The following ESR1 variants were observed in gnomAD, a reference collection of about 807,000 sequenced individuals.
ESR1 encodes the protein estrogen receptor.
In ESR1, 12 loss-of-function variants were observed where a neutral mutation model predicts 52.7. That is an observed-to-expected ratio of 0.23 (90% confidence interval 0.15 to 0.37). ESR1 has a LOEUF of 0.37. ESR1 is among the 10% of genes least tolerant of loss of function. The probability of loss-of-function intolerance (pLI) is 1.00; values close to 1 mark genes in which losing one functional copy is unlikely to be tolerated. For synonymous variants in ESR1, 305 were observed against 316.8 expected (o/e 0.96, Z 0.39); for missense variants, 584 against 779.7 (o/e 0.75, Z 2.99).
chr6:152,047,910 G>C (rs1248726890), intron 5 of ESR1, among the ~76,000 whole-genome samples: 1 of 150,700 alleles, frequency 6.6e-6, no homozygotes, highest in Admixed American at 6.6e-5. Flanking sequence ...GGGGTCACAG[G>C]GTTCCAGGAT....
intron 1 of ESR1, among the ~76,000 whole-genome samples, chr6:151,684,474 G>T (rs1282752954): frequency 6.6e-6 from 1 of 152,136 alleles, no homozygotes; most frequent in East Asian, 1.9e-4. Flanking sequence ...AATGGTAGAG[G>T]CTGTCGGCAA....
intron 6 of ESR1, among the ~76,000 whole-genome samples, chr6:152,115,923 C>G (rs2051205034): frequency 6.6e-6 from 1 of 152,204 alleles, no homozygotes. Flanking sequence ...CAAGTAACTA[C>G]TGATCCCCAG....
chr6:151,782,882 C>T (rs1336649182), intron 2 of ESR1, among the ~76,000 whole-genome samples: 1 of 152,172 alleles, frequency 6.6e-6, no homozygotes, highest in Admixed American at 6.5e-5. Flanking sequence ...CACATCTGCT[C>T]ACTAAAATTG....
intron 2 of ESR1, among the ~76,000 whole-genome samples, chr6:151,707,904 CAGAT>C (rs1780305352): frequency 1.3e-5 from 2 of 151,940 alleles, no homozygotes. Flanking sequence ...ACTAATTTGA[CAGAT>C]AGAATTTTAT....
intron 4 of ESR1, among the ~76,000 whole-genome samples, chr6:151,971,240 T>C (rs9340920): frequency 0.049 from 7,414 of 152,230 alleles, 472 homozygotes; most frequent in African/African-American, 0.14. Context: ...GATGTTTGGT[T>C]ACATGAATAA....
chr6:152,109,322 A>G (rs1334851001), intron 6 of ESR1, among the ~76,000 whole-genome samples: 3 of 152,334 alleles, frequency 2.0e-5, no homozygotes, highest in East Asian at 3.9e-4. Flanking sequence ...TATTTGGACT[A>G]TGTGCATTAA....
intron 6 of ESR1, chr6:152,122,574 C>G (rs1302345097): frequency 1.9e-6 from 3 of 1,614,180 alleles, no homozygotes; most frequent in East Asian, 2.2e-5. Flanking sequence ...GCAGGAGAAG[C>G]TGAAGGGGAA....
chr6:151,781,120 T>G (rs978040362), intron 2 of ESR1, among the ~76,000 whole-genome samples: 2 of 152,202 alleles, frequency 1.3e-5, no homozygotes, highest in East Asian at 3.8e-4. Context: ...TTCCTTAATT[T>G]TAGAGATGAG....
rs528084087 is a variant in ESR1, at chr6:151,672,552, G to T, written n.73+15789G>T. Among the ~76,000 whole-genome samples the T allele has an allele frequency of 3.9e-5, 6 of 152,092 alleles. No homozygotes were observed. In the South Asian group the frequency reaches 6.2e-4, roughly 16 times the overall value. On this transcript the variant is annotated intron_variant and non_coding_transcript_variant, in intron 1 of 2. Transcript: ENST00000473497. ...GGGTTTCGCCATGTTGGCCAGGCTG[G>T]TCTCAAACTTCTGACCTCAGGTGAT...
chr6:151,967,514 T>C (rs948728230), intron 4 of ESR1, among the ~76,000 whole-genome samples: 1 of 152,220 alleles, frequency 6.6e-6, no homozygotes, highest in African/African-American at 2.4e-5. Context: ...GGACATGAGC[T>C]CATCCTTTTT....
chr6:151,808,517 C>G (rs1778254415), intron 1 of ESR1, among the ~76,000 whole-genome samples, 153 bp downstream of exon 1: 2 of 152,096 alleles, frequency 1.3e-5, no homozygotes. Context: ...CGCGGCCCAG[C>G]CCGGGGGTTC....
chr6:152,095,536 T>C (rs1406039819), intron 7 of ESR1, among the ~76,000 whole-genome samples: 1 of 152,224 alleles, frequency 6.6e-6, no homozygotes, highest in African/African-American at 2.4e-5. Flanking sequence ...GGCAGAGGCA[T>C]GAGAAAGTGA....
chr6:151,809,846 G>A (rs1205286999), intron 1 of ESR1, among the ~76,000 whole-genome samples: 1 of 151,140 alleles, frequency 6.6e-6, no homozygotes, highest in Non-Finnish European at 1.5e-5. Flanking sequence ...TTAAAACAGA[G>A]AAAAAGGATT....
chr6:151,874,740 A>T (rs764959477), intron 2 of ESR1, among the ~76,000 whole-genome samples: 1 of 152,202 alleles, frequency 6.6e-6, no homozygotes, highest in African/African-American at 2.4e-5. Flanking sequence ...CCTTGTTAAT[A>T]CTTCATTTAT....
intron 1 of ESR1, among the ~76,000 whole-genome samples, chr6:151,833,427 G>A (rs1188558862): frequency 6.6e-6 from 1 of 152,282 alleles, no homozygotes; most frequent in Admixed American, 6.5e-5. Flanking sequence ...TGAAGCCTTA[G>A]GGTAGCCGTG....
chr6:152,082,263 C>T (rs140917785), intron 6 of ESR1, among the ~76,000 whole-genome samples: 33 of 152,234 alleles, frequency 2.2e-4, no homozygotes, highest in African/African-American at 6.7e-4. Context: ...GCCTATCCAC[C>T]AAAACCAAGT....
intron 4 of ESR1, among the ~76,000 whole-genome samples, chr6:152,008,086 A>C (rs1231051218): frequency 6.6e-6 from 1 of 152,222 alleles, no homozygotes; most frequent in South Asian, 2.1e-4. Flanking sequence ...AAGGCATCTC[A>C]TGGATATTTA....
intron 4 of ESR1, among the ~76,000 whole-genome samples, chr6:151,999,032 T>C (rs564522429): frequency 6.6e-6 from 1 of 152,218 alleles, no homozygotes; most frequent in African/African-American, 2.4e-5. Flanking sequence ...CGTCAATGTC[T>C]GAGTTGCTGT....
At chr6:151,717,249 C>G (rs548769677) in intron 2 of ESR1, among the ~76,000 whole-genome samples, 1 of 152,354 alleles carries the variant, frequency 6.6e-6, no homozygotes, top group Non-Finnish European at 1.5e-5. Flanking sequence ...CAGAAATCAC[C>G]TGTCTTCTGC....
Sources: gnomAD v4.1 joint callset for allele counts (sites outside exome capture counted in the v4.1 genomes callset) on GRCh38, gnomAD v4.1.1 for gene constraint, MANE v1.5 for transcripts, NCBI Gene and HGNC (gene_info 2026-07-23, HGNC 2026-07-21) for gene names.